The following TASP1 variants were observed in gnomAD, a reference collection of about 807,000 sequenced individuals.
TASP1 encodes taspase 1.
TASP1 carries 16 observed loss-of-function variants against 56.6 expected under a neutral mutation model. The ratio of observed to expected loss-of-function variants is 0.28; its 90% CI spans 0.19 to 0.43. The LOEUF is 0.43. Among genes scored for constraint, TASP1 ranks in the 20% least tolerant of loss-of-function variants. The pLI, the probability that TASP1 is intolerant of heterozygous loss-of-function variation, is 1.00. For missense variants in TASP1, 393 were observed against 511.6 expected (o/e 0.77, Z 2.24); for synonymous variants, 179 against 184.2 (o/e 0.97, Z 0.23).
chr20:13,440,693 A>G (rs1413837644), intron 11 of TASP1, among the ~76,000 whole-genome samples: 1 of 150,086 alleles, frequency 6.7e-6, no homozygotes, highest in African/African-American at 2.4e-5. Flanking sequence ...AAAAAAAAAA[A>G]GAGGGAGAAA....
the TASP1 span, among the ~76,000 whole-genome samples, chr20:13,323,778 C>A: frequency 7.2e-5 from 11 of 152,210 alleles, no homozygotes; most frequent in South Asian, 1.0e-3. Context: ...CTTCTTCAAT[C>A]CCAGAATTTT....
chr20:13,261,420 T>C, the TASP1 span, among the ~76,000 whole-genome samples: 2 of 147,380 alleles, frequency 1.4e-5, no homozygotes, highest in African/African-American at 5.0e-5. Flanking sequence ...AGTGAAACTC[T>C]GTCTCAAAAA....
At chr20:13,257,359 A>G in the TASP1 span, among the ~76,000 whole-genome samples, 1 of 152,162 alleles carries the variant, frequency 6.6e-6, no homozygotes, top group Non-Finnish European at 1.5e-5. Flanking sequence ...TACTAAAAAT[A>G]CAAAAAAATT....
chr20:13,110,323 G>T, the TASP1 span: 1 of 939,834 alleles, frequency 1.1e-6, no homozygotes, highest in Admixed American at 2.7e-5. Context: ...ACTTAGAATT[G>T]GTTATATGAC....
the TASP1 span, among the ~76,000 whole-genome samples, chr20:13,195,604 T>TGTTGGC: frequency 6.6e-6 from 1 of 152,286 alleles, no homozygotes; most frequent in East Asian, 1.9e-4. Flanking sequence ...TCACATCTTA[T>TGTTGGC]GTTGGCTTCC....
At chr20:13,270,486 CTTGT>C in the TASP1 span, 529 of 1,602,534 alleles carry the variant, frequency 3.3e-4, 2 homozygotes, top group Middle Eastern at 1.8e-3. Context: ...CAGGTGTTTG[CTTGT>C]TTGTTTGTTT....
intron 10 of TASP1, among the ~76,000 whole-genome samples, chr20:13,497,344 A>C (rs1194749574): frequency 6.6e-6 from 1 of 152,236 alleles, no homozygotes; most frequent in Non-Finnish European, 1.5e-5. Flanking sequence ...TCAGAAGCAC[A>C]CTGGATCTTC....
chr20:13,201,228 G>A, the TASP1 span, among the ~76,000 whole-genome samples: 1 of 152,214 alleles, frequency 6.6e-6, no homozygotes, highest in Admixed American at 6.5e-5. Context: ...TGGGATTGGA[G>A]AAAGGCAAGA....
the TASP1 span, chr20:13,159,929 C>A: frequency 6.9e-7 from 1 of 1,443,378 alleles, no homozygotes; most frequent in South Asian, 1.6e-5. Context: ...TAGCCATATT[C>A]CTTTTTTGTC....
chr20:13,581,105 T>A, intron 5 of TASP1, 124 bp from the exon 6 acceptor site: 1 of 785,190 alleles, frequency 1.3e-6, no homozygotes, highest in Non-Finnish European at 2.0e-6. Flanking sequence ...TTTCGATATA[T>A]CAAATAATAC....
At chr20:13,320,951 T>C in the TASP1 span, among the ~76,000 whole-genome samples, 1 of 151,912 alleles carries the variant, frequency 6.6e-6, no homozygotes, top group African/African-American at 2.4e-5. Context: ...GTAATCCCAG[T>C]ACTTTGGGAG....
At chr20:13,603,459 T>C (rs1490047816) in intron 4 of TASP1, among the ~76,000 whole-genome samples, 3 of 152,158 alleles carry the variant, frequency 2.0e-5, no homozygotes, top group South Asian at 4.2e-4. Context: ...GGAGGATCGA[T>C]TGAGCCTAGG....
the TASP1 span, among the ~76,000 whole-genome samples, chr20:13,202,508 A>T: frequency 2.6e-5 from 4 of 152,242 alleles, no homozygotes; most frequent in Non-Finnish European, 4.4e-5. Context: ...CAGCTCTCAC[A>T]AGTCACTATG....
intron 13 of TASP1, among the ~76,000 whole-genome samples, chr20:13,395,689 C>T (rs2123607345): frequency 6.9e-6 from 1 of 144,900 alleles, no homozygotes; most frequent in South Asian, 2.1e-4. Context: ...TCACCCTCAG[C>T]TTTCTTTTTT....
intron 4 of TASP1, among the ~76,000 whole-genome samples, chr20:13,599,679 T>TA (rs897418537): frequency 1.5e-4 from 22 of 150,208 alleles, no homozygotes; most frequent in Admixed American, 5.3e-4. Context: ...AGTATAATTT[T>TA]AAAAAAAAAT....
chr20:13,628,409 A>G (rs1034218704), intron 2 of TASP1, among the ~76,000 whole-genome samples: 1 of 152,230 alleles, frequency 6.6e-6, no homozygotes, highest in Non-Finnish European at 1.5e-5. Flanking sequence ...ACAGACTAGG[A>G]GTCTGAAGGC....
At chr20:13,237,669 T>C in the TASP1 span, 1 of 152,190 alleles carries the variant, frequency 6.6e-6, no homozygotes, top group Non-Finnish European at 1.5e-5. Flanking sequence ...CATTGAGTTG[T>C]AGAGTTATAT....
In TASP1 at chr20:13,478,346, T is replaced by TACACAC. The variant is rs35289716; in HGVS notation, c.985+4875_985+4880dup. On this transcript the variant is annotated intron_variant, in intron 11 of 13. Coordinates refer to ENST00000337743, the MANE Select transcript of TASP1 (RefSeq NM_017714.3). ...CAACAGATGACTAAAGAAAATATGA[T>TACACAC]ACACACACACACACACACACACACA... Among the ~76,000 whole-genome samples, 1,342 of 140,274 alleles carry TACACAC rather than the reference T, an allele frequency of 9.6e-3. 20 individuals are homozygous for TACACAC. The highest frequency in any genetic ancestry group is 0.032 in the African/African-American group (1,202 of 37,848). The allele number at this position is 140,274 out of a possible 152,430, so 92.0% of individuals were successfully genotyped here.
At chr20:13,559,734 A>G (rs2046279306) in intron 7 of TASP1, among the ~76,000 whole-genome samples, 1 of 152,178 alleles carries the variant, frequency 6.6e-6, no homozygotes, top group African/African-American at 2.4e-5. Context: ...AGTGATCAAC[A>G]GTGCTTCAAA....
Sources: allele counts gnomAD v4.1 joint callset (sites outside exome capture counted in the v4.1 genomes callset), GRCh38; gene constraint gnomAD v4.1.1; transcripts MANE v1.5; gene names NCBI Gene and HGNC (gene_info 2026-07-23, HGNC 2026-07-21).